Variants in MGRN1 observed in about 807,000 individuals in gnomAD.
The protein encoded by MGRN1 is mahogunin ring finger 1, also known as E3 ubiquitin-protein ligase MGRN1.
In MGRN1, 29 loss-of-function variants were observed where a neutral mutation model predicts 69.2. That is an observed-to-expected ratio of 0.42 (90% CI 0.31 to 0.57). The LOEUF is 0.57. Among genes scored for constraint, MGRN1 ranks in the 20% least tolerant of loss-of-function variants. MGRN1 has a pLI of 0.15. For synonymous variants in MGRN1, 470 were observed against 344.2 expected, an observed-to-expected ratio of 1.37 and a Z score of -4.04; for missense variants, 998 against 796.2, an observed-to-expected ratio of 1.25 and a Z score of -3.05.
chr16:4,682,205 C>A (rs942638609), intron 13 of MGRN1, among the ~76,000 whole-genome samples: 1 of 152,248 alleles, frequency 6.6e-6, no homozygotes, highest in Non-Finnish European at 1.5e-5. Flanking sequence ...CCCAGGCACA[C>A]TCACTGCTCT....
chr16:4,629,516 G>A (rs1042949097), intron 1 of MGRN1, among the ~76,000 whole-genome samples: 6 of 152,098 alleles, frequency 3.9e-5, no homozygotes, highest in Non-Finnish European at 7.4e-5. Flanking sequence ...CAAGGTGGGC[G>A]GATCATGAGG....
chr16:4,662,125 C>G (rs934340082), intron 5 of MGRN1, among the ~76,000 whole-genome samples: 2 of 152,162 alleles, frequency 1.3e-5, no homozygotes, highest in Non-Finnish European at 2.9e-5. Flanking sequence ...TGTCTGTGGT[C>G]CGCTGTAACT....
At chr16:4,651,880 C>T (rs1010974236) in intron 2 of MGRN1, 83 bp from the exon 3 acceptor site, 4 of 1,199,146 alleles carry the variant, frequency 3.3e-6, no homozygotes, top group African/African-American at 3.0e-5. Flanking sequence ...CCCTCTGGGG[C>T]TGTGGCTGCT....
chr16:4,641,515 CTTTTTT>C (rs542014508), intron 1 of MGRN1, among the ~76,000 whole-genome samples: 2 of 135,414 alleles, frequency 1.5e-5, no homozygotes, highest in Admixed American at 7.4e-5. Context: ...TGCCTGGCTA[CTTTTTT>C]TTTTTTTTTT....
At chr16:4,682,984 G>A in intron 14 of MGRN1, 38 bp downstream of exon 14, 1 of 1,507,942 alleles carries the variant, frequency 6.6e-7, no homozygotes, top group Non-Finnish European at 8.9e-7. Context: ...CACCCGCCCG[G>A]GCCAGCCCTC....
At chr16:4,686,317 C>A in intron 16 of MGRN1, 1 of 1,543,278 alleles carries the variant, frequency 6.5e-7, no homozygotes. Flanking sequence ...CGTGACCTCC[C>A]AGACGCGCTT....
chr16:4,686,273 T>C, intron 16 of MGRN1: 1 of 1,544,842 alleles, frequency 6.5e-7, no homozygotes. Context: ...GGGGCCCGAC[T>C]CCTGCTCTGT....
rs759556443 is a variant in MGRN1 at position 4,657,199 on chromosome 16, G to C, written c.444-47G>C. On this transcript the variant is annotated intron_variant, in intron 4 of 16. Transcript: ENST00000262370. Reference sequence around the variant, plus strand: ...GGAGTGGGAGGGACGGGCACGGAGGGCCCTCTTCCTGCCGCAGCCTCACTG... The same window carrying C: ...GGAGTGGGAGGGACGGGCACGGAGGCCCCTCTTCCTGCCGCAGCCTCACTG... 3 of 1,563,750 alleles carry C rather than the reference G, an allele frequency of 1.9e-6. No homozygotes were observed. The East Asian group carries it at 6.8e-5, about 35-fold the overall frequency.
chr16:4,673,752 G>T, intron 10 of MGRN1, 95 bp downstream of exon 10: 1 of 1,438,322 alleles, frequency 7.0e-7, no homozygotes, highest in South Asian at 1.3e-5. Context: ...CAGGTCCGTT[G>T]ATGGCTAAGA....
chr16:4,686,051 C>T (rs1456246231), intron 16 of MGRN1, among the ~76,000 whole-genome samples: 1 of 152,012 alleles, frequency 6.6e-6, no homozygotes, highest in Non-Finnish European at 1.5e-5. Flanking sequence ...GAGGGAGGGG[C>T]AGGGCCAGTG....
chr16:4,662,479 G>A (rs1048992091), intron 5 of MGRN1, among the ~76,000 whole-genome samples: 4 of 151,018 alleles, frequency 2.6e-5, no homozygotes, highest in African/African-American at 9.8e-5. Context: ...TCCTGCCACT[G>A]CACTCCATCC....
chr16:4,657,498 CTG>C, intron 5 of MGRN1, 135 bp downstream of exon 5: 2 of 853,780 alleles, frequency 2.3e-6, no homozygotes, highest in South Asian at 1.5e-5. Context: ...CCGCCCCAGT[CTG>C]TGCTCAGGTG....
At chr16:4,679,524 C>T (rs1310069347) in intron 11 of MGRN1, among the ~76,000 whole-genome samples, 2 of 150,786 alleles carry the variant, frequency 1.3e-5, no homozygotes, top group Non-Finnish European at 2.9e-5. Flanking sequence ...GTGTTCTCTC[C>T]AGCGAGTGCC....
At chr16:4,678,390 CAGGG>C (rs2079101120) in intron 11 of MGRN1, among the ~76,000 whole-genome samples, 1 of 151,958 alleles carries the variant, frequency 6.6e-6, no homozygotes, top group Non-Finnish European at 1.5e-5. Flanking sequence ...TGGAGAGACA[CAGGG>C]AGAGGCAGAG....
intron 8 of MGRN1, among the ~76,000 whole-genome samples, chr16:4,671,053 C>T (rs531760445): frequency 2.0e-4 from 30 of 152,264 alleles, no homozygotes; most frequent in African/African-American, 3.1e-4. Context: ...TGCCTTCAGG[C>T]GTCAGCTCCT....
At chr16:4,671,494 C>G (rs1351424656) in intron 9 of MGRN1, 35 bp downstream of exon 9, 1 of 1,599,940 alleles carries the variant, frequency 6.3e-7, no homozygotes, top group Admixed American at 1.7e-5. Flanking sequence ...TCTGCCATTA[C>G]AGAAGCCCAC....
At chr16:4,687,223 CCCTCT>C in intron 16 of MGRN1, 1 of 985,376 alleles carries the variant, frequency 1.0e-6, no homozygotes, top group Non-Finnish European at 1.2e-6. Flanking sequence ...CCAAGAGGCG[CCCTCT>C]ACCAGGGTGG....
chr16:4,682,951 G>T lies in MGRN1; in HGVS notation c.1482+5G>T. On this transcript the variant is annotated splice_donor_5th_base_variant and intron_variant, in intron 14 of 16. Coordinates refer to ENST00000262370, the MANE Select transcript of MGRN1 (RefSeq NM_015246.4). Reference sequence around the variant, plus strand: ...CGGGAAAGCAGCTCCCCTGAGGTGAGGCCCCCCCGGGGAAGCTTTGCGCAC... The same window carrying T: ...CGGGAAAGCAGCTCCCCTGAGGTGATGCCCCCCCGGGGAAGCTTTGCGCAC... 1 of 1,554,060 alleles carries T rather than the reference G, an allele frequency of 6.4e-7. No homozygotes were observed. Among genetic ancestry groups the T allele is most frequent in the Non-Finnish European group, 8.7e-7 (1 of 1,147,108 alleles).
At chr16:4,633,741 G>A (rs187124406) in intron 1 of MGRN1, 14 of 151,862 alleles carry the variant, frequency 9.2e-5, no homozygotes, top group South Asian at 8.3e-4. Context: ...TTATTGAGAC[G>A]GAGTCTCACT....
Sources: allele counts gnomAD v4.1 joint callset (sites outside exome capture counted in the v4.1 genomes callset), GRCh38; gene constraint gnomAD v4.1.1; transcripts MANE v1.5; gene names NCBI Gene and HGNC (gene_info 2026-07-23, HGNC 2026-07-21).